The following ITGA2 variants were observed in gnomAD, a reference collection of about 807,000 sequenced individuals.
ITGA2 encodes the protein integrin subunit alpha 2.
In ITGA2, 101 loss-of-function variants were observed where a neutral mutation model predicts 146.3. The observed-to-expected ratio is 0.69, with a 90% confidence interval of 0.59 to 0.81. ITGA2 has a LOEUF of 0.81. ITGA2 is among the 40% of genes least tolerant of loss of function. The pLI, the probability that ITGA2 is intolerant of heterozygous loss-of-function variation, is 0.00. For missense variants in ITGA2, 1,281 were observed against 1,402.7 expected (o/e 0.91, Z 1.39); for synonymous variants, 477 against 487.1 (o/e 0.98, Z 0.27).
chr5:53,072,432 A>T lies in ITGA2; in HGVS notation c.2347-181A>T, dbSNP rs1175652017. On this transcript the variant is annotated intron_variant, in intron 18 of 29. Coordinates refer to ENST00000296585, the MANE Select transcript of ITGA2 (RefSeq NM_002203.4). ...TCATCTAGCTCCCCCTGTGCAAATG[A>T]TTATCTTGAATTGTGTGTTTATTAA... is the stretch of plus-strand genomic sequence containing the variant. Among the ~76,000 whole-genome samples the T allele has an allele frequency of 3.3e-5, 5 of 151,780 alleles. No homozygotes were observed. In the East Asian group the frequency reaches 9.7e-4, roughly 30 times the overall value.
In ITGA2 at chr5:53,080,540, G is replaced by A; in HGVS notation, c.2958G>A (p.Met986Ile). 1 of 1,613,590 alleles carries A rather than the reference G, an allele frequency of 6.2e-7. No homozygotes were observed. The highest frequency in any genetic ancestry group is 8.5e-7 in the Non-Finnish European group (1 of 1,179,670). ...CAACAGGAAGTGTTCCAGTAAGCATGGCAACTGTAATCATCCACATCCCTC... is the reference window on the plus strand; with the variant it reads ...CAACAGGAAGTGTTCCAGTAAGCATAGCAACTGTAATCATCCACATCCCTC... The part of the protein sequence containing the change: ...KVTTGSVPVS[M>I]ATVIIHIPQY... The change falls in exon 25 of 30, where the codon ATG (methionine) becomes ATA (isoleucine). Residue 986 changes from methionine to isoleucine, a missense_variant. This residue lies in a region of ITGA2 where 475 missense variants were observed against 530.5 expected (regional missense o/e 0.90). Coordinates refer to ENST00000296585, the MANE Select transcript of ITGA2 (RefSeq NM_002203.4).
At position 53,075,093 on chromosome 5, in the gene ITGA2, T is replaced by A; in HGVS notation, c.2697T>A (p.Leu899=). The A allele has an allele frequency of 6.2e-7, 1 of 1,611,934 alleles. No individual in the cohort carries two copies. Among genetic ancestry groups the A allele is most frequent in the South Asian group, 1.1e-5 (1 of 91,030 alleles). The change falls in exon 22 of 30, where the codon CTT becomes CTA. Residue 899 remains leucine (L), a synonymous_variant. Coordinates refer to ENST00000296585, the MANE Select transcript of ITGA2 (RefSeq NM_002203.4). The stretch of plus-strand genomic sequence containing the variant: ...TTACTATTAACTTTGACTTCAATCT[T>A]CAAAACCTTCAGAATCAGGCGTCTC... The part of the protein sequence containing the change: ...VTFTINFDFN[L]QNLQNQASLS...
chr5:53,012,093 G>A (rs1243233045), intron 1 of ITGA2, among the ~76,000 whole-genome samples: 1 of 152,112 alleles, frequency 6.6e-6, no homozygotes, highest in African/African-American at 2.4e-5. Context: ...GCACAGCCTG[G>A]CTTTCATTCT....
intron 3 of ITGA2, among the ~76,000 whole-genome samples, chr5:53,042,849 T>TA (rs3212445): frequency 0.27 from 41,516 of 151,664 alleles, 5,698 homozygotes; most frequent in Admixed American, 0.32. Flanking sequence ...AGCAGCAGCC[T>TA]AAAAAAACAG....
intron 26 of ITGA2, among the ~76,000 whole-genome samples, chr5:53,081,987 T>C (rs943365381): frequency 1.3e-5 from 2 of 152,186 alleles, no homozygotes; most frequent in Non-Finnish European, 2.9e-5. Context: ...TCAGAAAAAC[T>C]CATGTGAAGC....
chr5:53,093,781 T>C lies in ITGA2; in HGVS notation c.*3182T>C, dbSNP rs999808702. On this transcript the variant is annotated 3_prime_UTR_variant, in exon 30 of 30. Coordinates refer to ENST00000296585, the MANE Select transcript of ITGA2 (RefSeq NM_002203.4). ...ATAAATGGTGTACAGACAAGGTCTA[T>C]AGAATGTGGTAAAAACTTGACTGCA... 4 of 152,644 alleles carry C rather than the reference T, an allele frequency of 2.6e-5. No homozygotes were observed. The highest frequency in any genetic ancestry group is 9.6e-5 in the African/African-American group (4 of 41,464). 9.5% of individuals were successfully genotyped at this position (152,644 alleles called of 1,614,324 possible).
intron 1 of ITGA2, among the ~76,000 whole-genome samples, chr5:53,016,758 A>G (rs1742419259): frequency 6.6e-6 from 1 of 151,824 alleles, no homozygotes; most frequent in African/African-American, 2.4e-5. Context: ...ACATAATCCC[A>G]TATTTCTTGG....
chr5:53,013,556 T>C (rs1380545740), intron 1 of ITGA2, among the ~76,000 whole-genome samples: 2 of 152,156 alleles, frequency 1.3e-5, no homozygotes, highest in Non-Finnish European at 2.9e-5. Flanking sequence ...CCTCTAACTT[T>C]GTTCTCTTTG....
At chr5:53,034,939 A>T (rs1454013177) in intron 2 of ITGA2, among the ~76,000 whole-genome samples, 1 of 152,212 alleles carries the variant, frequency 6.6e-6, no homozygotes, top group African/African-American at 2.4e-5. Context: ...GTGCAGATAT[A>T]TAGGTTTTGC....
At chr5:53,005,769 T>A (rs1741818068) in intron 1 of ITGA2, among the ~76,000 whole-genome samples, 2 of 152,098 alleles carry the variant, frequency 1.3e-5, no homozygotes, top group Non-Finnish European at 2.9e-5. Context: ...CACAATGAGG[T>A]AAACATATAC....
intron 1 of ITGA2, among the ~76,000 whole-genome samples, chr5:53,015,119 A>C (rs113170799): frequency 6.6e-6 from 1 of 151,542 alleles, no homozygotes; most frequent in East Asian, 1.9e-4. Flanking sequence ...GATTTTGGTT[A>C]TATGTTGCTT....
Position 53,018,829 on chromosome 5 carries a change from C to T in ITGA2, c.65-7919C>T, listed in dbSNP as rs185028169. On this transcript the variant is annotated intron_variant, in intron 1 of 29. Coordinates refer to ENST00000296585, the MANE Select transcript of ITGA2 (RefSeq NM_002203.4). Reference sequence around the variant, plus strand: ...TGTAAATTCCAGCACTTTGGGAGGCCGAGGCACGTGGGTCTCCTGAGGTCA... The same window carrying T: ...TGTAAATTCCAGCACTTTGGGAGGCTGAGGCACGTGGGTCTCCTGAGGTCA... 4.7e-3 allele frequency among the ~76,000 whole-genome samples: 709 copies of T among 152,132 alleles called. 5 individuals carry two copies. The highest frequency in any genetic ancestry group is 6.1e-3 in the Non-Finnish European group (414 of 68,000).
chr5:53,021,757 A>G (rs1742693557), intron 1 of ITGA2, among the ~76,000 whole-genome samples: 1 of 152,210 alleles, frequency 6.6e-6, no homozygotes, highest in African/African-American at 2.4e-5. Context: ...TCAATATTTA[A>G]TGGAGACATT....
chr5:53,036,775 A>C (rs1579831487), intron 2 of ITGA2, among the ~76,000 whole-genome samples: 2 of 152,194 alleles, frequency 1.3e-5, no homozygotes, highest in East Asian at 3.9e-4. Context: ...TGATTTATTC[A>C]CTAGTATATC....
rs1740605389 is a variant in ITGA2, at chr5:53,094,554, A to G, written c.*3955A>G. 6.6e-6 allele frequency: 1 copy of G among 152,206 alleles called. No individual in the cohort carries two copies. Among genetic ancestry groups the G allele is most frequent in the Admixed American group, 6.5e-5 (1 of 15,270 alleles). The allele number at this position is 152,206 out of a possible 1,614,324, so 9.4% of individuals were successfully genotyped here. A position where few individuals can be genotyped will look rare whatever the true frequency, so the allele number is the denominator to read the frequency against. On this transcript the variant is annotated 3_prime_UTR_variant, in exon 30 of 30. Transcript: ENST00000296585. ...TAAATGTGTTTTGCCTCTTTCCACA[A>G]AAACTGTAAAAATAAATGCATGTTT...
At chr5:53,035,427 A>T (rs2111856025) in intron 2 of ITGA2, among the ~76,000 whole-genome samples, 1 of 152,348 alleles carries the variant, frequency 6.6e-6, no homozygotes, top group Admixed American at 6.5e-5. Context: ...TAGTGAAGTC[A>T]GTGGACTCTT....
chr5:52,999,077 G>A (rs757056740), intron 1 of ITGA2, among the ~76,000 whole-genome samples: 35 of 152,134 alleles, frequency 2.3e-4, no homozygotes, highest in Non-Finnish European at 4.0e-4. Flanking sequence ...CAAGATGAAT[G>A]AAAGTATTAG....
intron 6 of ITGA2, among the ~76,000 whole-genome samples, chr5:53,049,242 C>T (rs1333747939): frequency 1.3e-5 from 2 of 152,020 alleles, no homozygotes; most frequent in Non-Finnish European, 2.9e-5. Flanking sequence ...GAACTCCTGA[C>T]CTCAGGTGAT....
chr5:53,057,165 T>C (rs1412501775), intron 9 of ITGA2, among the ~76,000 whole-genome samples: 1 of 152,000 alleles, frequency 6.6e-6, no homozygotes, highest in South Asian at 2.1e-4. Context: ...ATGAGAACAA[T>C]TGCAATCTAC....
Sources: allele counts gnomAD v4.1 joint callset (sites outside exome capture counted in the v4.1 genomes callset), GRCh38; gene constraint gnomAD v4.1.1; regional missense constraint gnomAD v4.1.1; transcripts MANE v1.5; gene names NCBI Gene and HGNC (gene_info 2026-07-23, HGNC 2026-07-21).